Variants in CARMIL1 observed in about 807,000 individuals in gnomAD.
The protein encoded by CARMIL1 is F-actin-uncapping protein LRRC16A.
A neutral mutation model predicts 177.1 loss-of-function variants in CARMIL1; 90 were observed. The ratio of observed to expected loss-of-function variants is 0.51; its 90% CI spans 0.43 to 0.61. The LOEUF is 0.61. Ranked by LOEUF, CARMIL1 falls within the 20% of genes least tolerant of loss-of-function variation. The pLI is 0.00. For missense variants in CARMIL1, 1,380 were observed against 1,667.0 expected (o/e 0.83, Z 3.00); for synonymous variants, 577 against 606.2 (o/e 0.95, Z 0.71).
intron 5 of CARMIL1, among the ~76,000 whole-genome samples, chr6:25,439,968 G>C (rs554438137): frequency 6.6e-6 from 1 of 151,830 alleles, no homozygotes; most frequent in African/African-American, 2.4e-5. Context: ...AAAGTGAGAG[G>C]CAAAGTACAA....
chr6:25,517,555 G>T lies in CARMIL1; in HGVS notation c.1874+140G>T. On this transcript the variant is annotated intron_variant, in intron 22 of 36. Transcript: ENST00000329474. ...TCTGAATTTAGTCTACAGCTAACCA[G>T]CTATGGGATCTTGGAAGACATTGAA... The T allele has an allele frequency of 4.8e-6, 3 of 623,448 alleles. No homozygotes were observed. The South Asian group carries it at 6.1e-5, about 13-fold the overall frequency. The allele number at this position is 623,448 out of a possible 1,614,324, so 38.6% of individuals were successfully genotyped here.
intron 2 of CARMIL1, among the ~76,000 whole-genome samples, chr6:25,325,649 T>C (rs75524098): frequency 0.012 from 1,800 of 152,310 alleles, 38 homozygotes; most frequent in African/African-American, 0.041. Flanking sequence ...AATTTATCCA[T>C]CCATTTATAC....
chr6:25,567,784 T>C (rs1421797752), intron 29 of CARMIL1, among the ~76,000 whole-genome samples: 2 of 152,218 alleles, frequency 1.3e-5, no homozygotes, highest in Non-Finnish European at 2.9e-5. Flanking sequence ...TCACAGTAGA[T>C]AAATTAAGTG....
chr6:25,367,912 A>C (rs1790003852), intron 2 of CARMIL1, among the ~76,000 whole-genome samples: 1 of 152,174 alleles, frequency 6.6e-6, no homozygotes, highest in South Asian at 2.1e-4. Flanking sequence ...GGCACATGCC[A>C]CCATACCCGG....
chr6:25,451,986 G>GGGGGGGGGGGGGGGGGCCCCCC, intron 8 of CARMIL1: 1 of 112,672 alleles, frequency 8.9e-6, no homozygotes, highest in East Asian at 2.0e-4. Context: ...CTAGCATCTT[G>GGGGGGGGGGGGGGGGGCCCCCC]CCCCCCCCTC....
intron 29 of CARMIL1, among the ~76,000 whole-genome samples, chr6:25,569,915 C>A (rs1811911962): frequency 6.6e-6 from 1 of 152,168 alleles, no homozygotes. Flanking sequence ...AAATGCTATT[C>A]AAGTTTTTAT....
chr6:25,330,210 C>T (rs1005403256), intron 2 of CARMIL1, among the ~76,000 whole-genome samples: 8 of 152,090 alleles, frequency 5.3e-5, no homozygotes, highest in East Asian at 1.9e-4. Context: ...TGGTACTGTG[C>T]GATTATAGAC....
intron 31 of CARMIL1, among the ~76,000 whole-genome samples, chr6:25,586,923 C>T (rs1362978612): frequency 4.0e-5 from 6 of 151,026 alleles, no homozygotes; most frequent in South Asian, 4.2e-4. Context: ...AGCCTCGGCT[C>T]GGCATCAGAT....
chr6:25,282,232 A>G (rs926442005), intron 1 of CARMIL1, among the ~76,000 whole-genome samples: 2 of 152,094 alleles, frequency 1.3e-5, no homozygotes, highest in Admixed American at 6.6e-5. Context: ...AGTTATTTTA[A>G]AGGGTATATG....
At chr6:25,302,032 A>T (rs1394959495) in intron 2 of CARMIL1, among the ~76,000 whole-genome samples, 1 of 123,620 alleles carries the variant, frequency 8.1e-6, no homozygotes, top group Admixed American at 8.3e-5. Context: ...GAAAAGCCTT[A>T]AAAAAATCAT....
intron 29 of CARMIL1, among the ~76,000 whole-genome samples, chr6:25,575,521 A>G (rs1812501450): frequency 6.6e-6 from 1 of 152,162 alleles, no homozygotes. Context: ...TCTTTTATGT[A>G]TGTATTCATA....
At chr6:25,424,197 G>A (rs1366780561) in intron 3 of CARMIL1, among the ~76,000 whole-genome samples, 1 of 152,096 alleles carries the variant, frequency 6.6e-6, no homozygotes, top group Non-Finnish European at 1.5e-5. Context: ...CCTTGTCCTA[G>A]TTCTTTTAAC....
chr6:25,423,055 G>A (rs1345483025), intron 3 of CARMIL1, among the ~76,000 whole-genome samples: 1 of 152,146 alleles, frequency 6.6e-6, no homozygotes, highest in African/African-American at 2.4e-5. Context: ...CCTTAGAGAA[G>A]GCTGGTTTTC....
At chr6:25,570,815 T>C (rs961255291) in intron 29 of CARMIL1, among the ~76,000 whole-genome samples, 1 of 152,228 alleles carries the variant, frequency 6.6e-6, no homozygotes, top group Admixed American at 6.5e-5. Flanking sequence ...GGCACATCAC[T>C]AAATCTCTAC....
chr6:25,483,437 T>C (rs1192235432), intron 12 of CARMIL1, among the ~76,000 whole-genome samples: 1 of 152,066 alleles, frequency 6.6e-6, no homozygotes, highest in East Asian at 1.9e-4. Context: ...TCTACACAGG[T>C]AGAGTTAAAT....
chr6:25,417,917 C>T (rs549442337), intron 2 of CARMIL1, among the ~76,000 whole-genome samples: 17 of 152,170 alleles, frequency 1.1e-4, no homozygotes, highest in Non-Finnish European at 2.1e-4. Context: ...CTATTCATGG[C>T]ACATAGAAAA....
intron 16 of CARMIL1, among the ~76,000 whole-genome samples, chr6:25,498,708 C>T (rs375820488): frequency 5.9e-5 from 9 of 152,256 alleles, no homozygotes; most frequent in East Asian, 3.9e-4. Context: ...GAGACACACA[C>T]GAAAAGTGAT....
chr6:25,486,600 G>A (rs141307060), intron 12 of CARMIL1, among the ~76,000 whole-genome samples: 6 of 152,228 alleles, frequency 3.9e-5, no homozygotes, highest in Non-Finnish European at 5.9e-5. Flanking sequence ...GAAGTTGGTC[G>A]TTTAAACAGT....
intron 26 of CARMIL1, among the ~76,000 whole-genome samples, chr6:25,541,421 T>C (rs1195876340): frequency 2.6e-5 from 4 of 152,220 alleles, no homozygotes; most frequent in Non-Finnish European, 5.9e-5. Context: ...TTCCATTGCA[T>C]AGATGTACCA....
Sources: allele counts gnomAD v4.1 joint callset (sites outside exome capture counted in the v4.1 genomes callset), GRCh38; gene constraint gnomAD v4.1.1; transcripts MANE v1.5; gene names NCBI Gene and HGNC (gene_info 2026-07-23, HGNC 2026-07-21).